FSTL4: variants seen among roughly 807,000 people sequenced by gnomAD.
FSTL4 encodes follistatin-related protein 4.
A neutral mutation model predicts 78.2 loss-of-function variants in FSTL4; 28 were observed. That is an observed-to-expected ratio of 0.36 (90% CI 0.27 to 0.49). FSTL4 has a LOEUF of 0.49. Ranked by LOEUF, FSTL4 falls within the 20% of genes least tolerant of loss-of-function variation. The pLI is 0.98. For synonymous variants in FSTL4, 422 were observed against 440.5 expected (o/e 0.96, Z 0.53); for missense variants, 922 against 1,084.9 (o/e 0.85, Z 2.11).
chr5:133,444,252 G>A (rs898791535), intron 3 of FSTL4, among the ~76,000 whole-genome samples: 1 of 152,200 alleles, frequency 6.6e-6, no homozygotes, highest in African/African-American at 2.4e-5. Flanking sequence ...AGTCCCCATG[G>A]GAGGATTCGC....
At chr5:133,457,081 G>A (rs1376271731) in intron 3 of FSTL4, among the ~76,000 whole-genome samples, 2 of 150,614 alleles carry the variant, frequency 1.3e-5, no homozygotes, top group Non-Finnish European at 2.9e-5. Context: ...ATAATTTTCT[G>A]TAACATTTTT....
chr5:133,358,929 G>T (rs979279480), intron 4 of FSTL4, among the ~76,000 whole-genome samples: 1 of 152,162 alleles, frequency 6.6e-6, no homozygotes, highest in Non-Finnish European at 1.5e-5. Flanking sequence ...ATAAAGGAAA[G>T]AACTAAAAAG....
chr5:133,352,275 TATATACACAC>T lies in FSTL4; in HGVS notation c.410-35633_410-35624del, dbSNP rs1363826579. Among the ~76,000 whole-genome samples the T allele has an allele frequency of 9.5e-4, 129 of 136,418 alleles. 2 individuals carry two copies. The highest frequency in any genetic ancestry group is 3.6e-3 in the African/African-American group (125 of 34,772). The allele number at this position is 136,418 out of a possible 152,430, so 89.5% of individuals were successfully genotyped here. A position where few individuals can be genotyped will look rare whatever the true frequency, so the allele number is the denominator to read the frequency against. ...ACACATATATATATACACACATATA[TATATACACAC>T]ATATATATACACACACATATATATA... On this transcript the variant is annotated intron_variant, in intron 4 of 15. Transcript: ENST00000265342.
At chr5:133,424,443 A>G (rs1330936971) in intron 3 of FSTL4, among the ~76,000 whole-genome samples, 1 of 152,224 alleles carries the variant, frequency 6.6e-6, no homozygotes, top group Non-Finnish European at 1.5e-5. Context: ...TTTGTATTCA[A>G]TACCTTAGAG....
chr5:133,649,265 T>C, the FSTL4 span, among the ~76,000 whole-genome samples: 1 of 152,218 alleles, frequency 6.6e-6, no homozygotes, highest in Non-Finnish European at 1.5e-5. Flanking sequence ...ATTTGCCTAC[T>C]GAAGGACATC....
the FSTL4 span, among the ~76,000 whole-genome samples, chr5:133,712,664 T>G: frequency 6.6e-6 from 1 of 152,230 alleles, no homozygotes; most frequent in East Asian, 1.9e-4. Context: ...ACCTCCCCAC[T>G]GGGTTACAAA....
chr5:133,589,281 T>C (rs1479499560), intron 2 of FSTL4, among the ~76,000 whole-genome samples: 1 of 25,580 alleles, frequency 3.9e-5, no homozygotes, highest in Non-Finnish European at 8.2e-5. Context: ...AAACTTAGAG[T>C]ATAATAAAAA....
chr5:133,331,296 T>C (rs1175273909), intron 4 of FSTL4, among the ~76,000 whole-genome samples: 1 of 152,076 alleles, frequency 6.6e-6, no homozygotes, highest in African/African-American at 2.4e-5. Flanking sequence ...GCCTGGCAGC[T>C]CATGGTGTTT....
intron 3 of FSTL4, among the ~76,000 whole-genome samples, chr5:133,432,851 C>T (rs1466024093): frequency 6.6e-6 from 1 of 152,220 alleles, no homozygotes; most frequent in East Asian, 1.9e-4. Flanking sequence ...TAACAAATCT[C>T]CATCTTTAGA....
At chr5:133,450,697 G>A (rs951779497) in intron 3 of FSTL4, among the ~76,000 whole-genome samples, 5 of 152,216 alleles carry the variant, frequency 3.3e-5, no homozygotes, top group Admixed American at 1.3e-4. Flanking sequence ...AACAGGAGAT[G>A]GTACTTTTCC....
At chr5:133,364,906 C>T (rs1203966874) in intron 4 of FSTL4, among the ~76,000 whole-genome samples, 1 of 151,956 alleles carries the variant, frequency 6.6e-6, no homozygotes, top group South Asian at 2.1e-4. Context: ...GATGTTCATC[C>T]CCCTCTTAAT....
At position 133,279,360 on chromosome 5, in the gene FSTL4, C is replaced by T. The variant is rs1262148497; in HGVS notation, c.728-29784G>A. On this transcript the variant is annotated intron_variant, in intron 6 of 15. Transcript: ENST00000265342. The stretch of plus-strand genomic sequence containing the variant: ...TTATGAGAATCTAATGCCTGATGAT[C>T]TGAGGCTGAACAGTTTTGTCCGAAA... Among the ~76,000 whole-genome samples, 3 of 152,230 alleles carry T rather than the reference C, an allele frequency of 2.0e-5. No homozygotes were observed. The East Asian group carries it at 5.8e-4, about 29-fold the overall frequency.
chr5:133,569,936 G>A (rs907751980), intron 2 of FSTL4, among the ~76,000 whole-genome samples: 8 of 152,178 alleles, frequency 5.3e-5, no homozygotes, highest in South Asian at 4.2e-4. Flanking sequence ...TTGCCCGGGC[G>A]CGGTGGCTCT....
intron 3 of FSTL4, among the ~76,000 whole-genome samples, chr5:133,536,029 A>G: frequency 6.6e-6 from 1 of 152,206 alleles, no homozygotes; most frequent in Non-Finnish European, 1.5e-5. Flanking sequence ...AGGGCCTCTC[A>G]CACACAGTAG....
the FSTL4 span, among the ~76,000 whole-genome samples, chr5:133,716,851 A>C: frequency 2.0e-5 from 3 of 152,236 alleles, no homozygotes; most frequent in Non-Finnish European, 4.4e-5. Flanking sequence ...ATTTTTAGAA[A>C]AGGGAAACTT....
chr5:133,792,015 C>A, the FSTL4 span, among the ~76,000 whole-genome samples: 5 of 152,232 alleles, frequency 3.3e-5, no homozygotes, highest in Non-Finnish European at 5.9e-5. Flanking sequence ...ATTAAGTAGG[C>A]AAAAGCAAAC....
chr5:133,446,633 GC>G (rs1757270782), intron 3 of FSTL4, among the ~76,000 whole-genome samples: 1 of 152,192 alleles, frequency 6.6e-6, no homozygotes, highest in African/African-American at 2.4e-5. Flanking sequence ...CCCTCCCGGG[GC>G]CCTCCGCAGG....
chr5:133,488,588 T>C (rs1464853782), intron 3 of FSTL4, among the ~76,000 whole-genome samples: 3 of 152,236 alleles, frequency 2.0e-5, no homozygotes, highest in African/African-American at 7.2e-5. Flanking sequence ...TCTACACAGA[T>C]TGATGACGGG....
At chr5:133,570,217 C>CA (rs1189846054) in intron 2 of FSTL4, among the ~76,000 whole-genome samples, 11 of 151,226 alleles carry the variant, frequency 7.3e-5, no homozygotes, top group Admixed American at 2.6e-4. Context: ...AAAAAAAAAA[C>CA]AAAAAACAAG....
Sources: allele counts gnomAD v4.1 joint callset (sites outside exome capture counted in the v4.1 genomes callset), GRCh38; gene constraint gnomAD v4.1.1; transcripts MANE v1.5; gene names NCBI Gene and HGNC (gene_info 2026-07-23, HGNC 2026-07-21).